The following VPS53 variants were observed in gnomAD, a reference collection of about 807,000 sequenced individuals.
The protein encoded by VPS53 is vacuolar protein sorting-associated protein 53 homolog.
In VPS53, 70 loss-of-function variants were observed where a neutral mutation model predicts 107.0. The ratio of observed to expected loss-of-function variants is 0.65; its 90% CI spans 0.54 to 0.80. The LOEUF is 0.80. VPS53 is among the 30% of genes least tolerant of loss of function. VPS53 has a pLI of 0.00. For missense variants in VPS53, 917 were observed against 1,049.4 expected (o/e 0.87, Z 1.74); for synonymous variants, 409 against 393.3 (o/e 1.04, Z -0.47).
chr17:712,220 G>A (rs932790325), intron 1 of VPS53, among the ~76,000 whole-genome samples: 3 of 132,260 alleles, frequency 2.3e-5, no homozygotes, highest in Non-Finnish European at 3.1e-5. Context: ...TCACTCTGTC[G>A]CTCAGGCTGG....
intron 2 of VPS53, among the ~76,000 whole-genome samples, chr17:704,357 C>G (rs1372390535): frequency 6.6e-6 from 1 of 152,128 alleles, no homozygotes; most frequent in Admixed American, 6.5e-5. Context: ...TACTTCCACT[C>G]AACAGAAACA....
At chr17:586,737 T>C (rs898981059) in intron 12 of VPS53, among the ~76,000 whole-genome samples, 11 of 152,218 alleles carry the variant, frequency 7.2e-5, no homozygotes, top group African/African-American at 2.7e-4. Flanking sequence ...CAATTTTTGA[T>C]AGCACTTTGA....
At chr17:701,643 T>C (rs2143949196) in intron 2 of VPS53, among the ~76,000 whole-genome samples, 1 of 152,296 alleles carries the variant, frequency 6.6e-6, no homozygotes, top group Admixed American at 6.5e-5. Context: ...CCCAAAGTGC[T>C]AGGATTACAG....
chr17:672,139 C>CACAG (rs1386192909), intron 4 of VPS53, among the ~76,000 whole-genome samples: 3 of 149,380 alleles, frequency 2.0e-5, no homozygotes, highest in African/African-American at 7.4e-5. Flanking sequence ...CACACACACA[C>CACAG]ACACACACAC....
intron 4 of VPS53, among the ~76,000 whole-genome samples, chr17:664,040 C>A (rs1481226889): frequency 6.6e-6 from 1 of 151,984 alleles, no homozygotes; most frequent in Admixed American, 6.5e-5. Flanking sequence ...TCGGGACCTG[C>A]AGGATGAGGA....
chr17:677,200 A>C (rs1972202676), intron 4 of VPS53, among the ~76,000 whole-genome samples: 1 of 152,234 alleles, frequency 6.6e-6, no homozygotes, highest in African/African-American at 2.4e-5. Context: ...AAACAATCCA[A>C]GTGTCCATGG....
Position 519,949 on chromosome 17 carries a change from G to A in VPS53, c.2224-19C>T. On this transcript the variant is annotated intron_variant, in intron 20 of 21. Coordinates refer to ENST00000437048, the MANE Select transcript of VPS53 (RefSeq NM_001128159.3). The surrounding 1 kb of genome is among the most constrained non-coding windows in gnomAD (Gnocchi z 5.0). Reference sequence around the variant, plus strand: ...TCACTACCTACAGCGGGAGGAGACAGGAGCAAGCCCCTCAGGAAAACTACC... The same window carrying A: ...TCACTACCTACAGCGGGAGGAGACAAGAGCAAGCCCCTCAGGAAAACTACC... 2.0e-6 allele frequency: 3 copies of A among 1,531,548 alleles called. 1 individual carries two copies. The highest frequency in any genetic ancestry group is 4.9e-5 in the East Asian group (2 of 40,800). The allele number at this position is 1,531,548 out of a possible 1,614,324, so 94.9% of individuals were successfully genotyped here.
intron 7 of VPS53, 125 bp from the exon 8 acceptor site, chr17:631,753 G>A (rs1334114202): frequency 5.5e-6 from 4 of 731,178 alleles, no homozygotes; most frequent in Non-Finnish European, 9.2e-6. Context: ...AGACGTCCAT[G>A]AGGTGAGAGG....
intron 12 of VPS53, among the ~76,000 whole-genome samples, chr17:594,276 CCTGCACATT>C (rs1287789715): frequency 1.3e-5 from 2 of 152,212 alleles, no homozygotes; most frequent in Non-Finnish European, 2.9e-5. Flanking sequence ...ATGTAACTAA[CCTGCACATT>C]GTGCACATGT....
chr17:682,421 A>T (rs1336930889), intron 4 of VPS53, among the ~76,000 whole-genome samples: 1 of 152,204 alleles, frequency 6.6e-6, no homozygotes, highest in Non-Finnish European at 1.5e-5. Context: ...AGCATCCTGA[A>T]ATCCAAGAAG....
At chr17:664,732 G>A (rs1011462827) in intron 4 of VPS53, among the ~76,000 whole-genome samples, 7 of 152,182 alleles carry the variant, frequency 4.6e-5, no homozygotes, top group African/African-American at 1.4e-4. Context: ...CAGTGTCCAC[G>A]AGACGGTGGA....
chr17:548,611 G>A (rs867521123), intron 17 of VPS53, among the ~76,000 whole-genome samples: 1 of 131,586 alleles, frequency 7.6e-6, no homozygotes, highest in African/African-American at 2.9e-5. Context: ...ACTTTGGCCA[G>A]CCAACAGTCC....
At chr17:595,536 G>T in intron 12 of VPS53, among the ~76,000 whole-genome samples, 1 of 3,414 alleles carries the variant, frequency 2.9e-4, no homozygotes, top group Non-Finnish European at 1.4e-3. Context: ...GCACTCTAGT[G>T]CCCCCCCGGA....
intron 11 of VPS53, among the ~76,000 whole-genome samples, chr17:615,403 G>A (rs1969090727): frequency 6.6e-6 from 1 of 152,156 alleles, no homozygotes; most frequent in South Asian, 2.1e-4. Flanking sequence ...GGCAGGTCTT[G>A]TCTTCCGGGC....
Position 644,376 on chromosome 17 carries a change from C to T in VPS53, c.608+8915G>A, listed in dbSNP as rs564754655. On this transcript the variant is annotated intron_variant, in intron 7 of 21. Transcript: ENST00000437048. ...GGGTGGTAACCCGCCTGCCATCTCC[C>T]GCCCCTTACAACAAATAGCTATTTC... Among the ~76,000 whole-genome samples, 27 of 152,290 alleles carry T rather than the reference C, an allele frequency of 1.8e-4. No homozygotes were observed. The South Asian group carries it at 2.9e-3, about 16-fold the overall frequency.
chr17:601,883 G>A lies in VPS53; in HGVS notation c.1130C>T (p.Ser377Phe), dbSNP rs778543247. ...GAAGGGATTGGTAGATGGGGGTGGA[G>A]ACTCAAGCTTTTTCTGTTAGGTAGA... ...LTDGTLKKLE[S>F]PPPSTNPFLE... Residue 377 changes from serine (S) to phenylalanine (F), a missense_variant, in exon 12 of 22, where the codon TCT becomes TTT. Ser to Phe is a radical substitution (Grantham distance 155). Coordinates refer to ENST00000437048, the MANE Select transcript of VPS53 (RefSeq NM_001128159.3). The A allele has an allele frequency of 6.3e-7, 1 of 1,587,752 alleles. No individual in the cohort carries two copies. The highest frequency in any genetic ancestry group is 8.6e-7 in the Non-Finnish European group (1 of 1,166,624).
chr17:661,937 G>T, intron 4 of VPS53, 42 bp from the exon 5 acceptor site: 1 of 1,477,856 alleles, frequency 6.8e-7, no homozygotes, highest in Non-Finnish European at 9.2e-7. Context: ...AGTGGCTAGA[G>T]ACAGCTCCAG....
intron 7 of VPS53, among the ~76,000 whole-genome samples, chr17:642,480 CCGAGGACAACACTCATACTTGGAAAG>C (rs1597422966): frequency 1.1e-4 from 16 of 139,902 alleles, no homozygotes; most frequent in Middle Eastern, 4.2e-3. Context: ...TACTTGGAAA[CCGAGGACAACACTCATACTTGGAAAG>C]CGAGGACAAC....
chr17:661,034 C>T (rs966391323), intron 5 of VPS53, among the ~76,000 whole-genome samples: 3 of 151,968 alleles, frequency 2.0e-5, no homozygotes, highest in African/African-American at 7.3e-5. Context: ...CAACCAAAAC[C>T]ACATACACAG....
Sources: gnomAD v4.1 joint callset for allele counts (sites outside exome capture counted in the v4.1 genomes callset) on GRCh38, gnomAD v4.1.1 for gene constraint, Gnocchi (gnomAD v3.1) non-coding constraint, MANE v1.5 for transcripts, NCBI Gene and HGNC (gene_info 2026-07-23, HGNC 2026-07-21) for gene names.